Variants in MAP7 observed in about 807,000 individuals in gnomAD.
MAP7 encodes microtubule associated protein 7, also known as ensconsin.
A neutral mutation model predicts 94.8 loss-of-function variants in MAP7; 52 were observed. The observed-to-expected ratio is 0.55, with a 90% CI of 0.44 to 0.69. The LOEUF is 0.69. Ranked by LOEUF, MAP7 falls within the 30% of genes least tolerant of loss-of-function variation. The pLI is 0.00. For missense variants in MAP7, 940 were observed against 964.6 expected (o/e 0.97, Z 0.34); for synonymous variants, 350 against 357.0 (o/e 0.98, Z 0.22).
At chr6:136,442,438 A>AATAGTTCTT (rs1390649125) in intron 1 of MAP7, among the ~76,000 whole-genome samples, 9 of 151,828 alleles carry the variant, frequency 5.9e-5, no homozygotes, top group Non-Finnish European at 8.8e-5. Flanking sequence ...TCATACTTAA[A>AATAGTTCTT]ATAGTTCTTA....
At chr6:136,453,235 A>C (rs1274381482) in intron 1 of MAP7, among the ~76,000 whole-genome samples, 1 of 152,182 alleles carries the variant, frequency 6.6e-6, no homozygotes, top group Non-Finnish European at 1.5e-5. Flanking sequence ...TGGAGATAAA[A>C]ACCTTTCTAT....
intron 16 of MAP7, among the ~76,000 whole-genome samples, chr6:136,347,147 T>A (rs962946915): frequency 3.3e-5 from 5 of 151,650 alleles, no homozygotes; most frequent in Admixed American, 2.6e-4. Context: ...TGTAGCCAAA[T>A]AATGCCTATG....
chr6:136,424,973 G>A (rs1162360727), intron 1 of MAP7, among the ~76,000 whole-genome samples: 1 of 152,174 alleles, frequency 6.6e-6, no homozygotes, highest in Non-Finnish European at 1.5e-5. Flanking sequence ...CTTATCCATG[G>A]AGGAATACTA....
At chr6:136,354,762 G>A (rs1582646842) in intron 16 of MAP7, among the ~76,000 whole-genome samples, 1 of 152,080 alleles carries the variant, frequency 6.6e-6, no homozygotes, top group Non-Finnish European at 1.5e-5. Context: ...TTTTCTGTGT[G>A]TGGAAAAGGC....
chr6:136,485,361 T>G (rs771962399), intron 1 of MAP7, among the ~76,000 whole-genome samples: 8 of 152,198 alleles, frequency 5.3e-5, no homozygotes, highest in Non-Finnish European at 1.2e-4. Context: ...AAAGATATAG[T>G]TACACAATAT....
intron 1 of MAP7, among the ~76,000 whole-genome samples, chr6:136,480,393 A>G (rs1812357762): frequency 6.6e-6 from 1 of 152,150 alleles, no homozygotes; most frequent in Non-Finnish European, 1.5e-5. Context: ...TGAAACTACT[A>G]AAAGAAAATA....
chr6:136,425,625 T>C (rs946363618), intron 1 of MAP7, among the ~76,000 whole-genome samples: 6 of 152,166 alleles, frequency 3.9e-5, no homozygotes, highest in Admixed American at 3.9e-4. Context: ...GCCAGGAGTA[T>C]TGTAACACTC....
At chr6:136,512,579 AT>A (rs34220272) in intron 1 of MAP7, among the ~76,000 whole-genome samples, 1 of 152,188 alleles carries the variant, frequency 6.6e-6, no homozygotes, top group Non-Finnish European at 1.5e-5. Context: ...AGTCACACAC[AT>A]TTTTTGGTTT....
intron 11 of MAP7, among the ~76,000 whole-genome samples, chr6:136,362,230 G>A (rs1375858025): frequency 4.6e-5 from 7 of 152,032 alleles, no homozygotes; most frequent in Admixed American, 3.9e-4. Flanking sequence ...AGACCAGCCT[G>A]GGCAATATAG....
At chr6:136,418,911 G>T (rs944651877) in intron 2 of MAP7, among the ~76,000 whole-genome samples, 4 of 152,120 alleles carry the variant, frequency 2.6e-5, no homozygotes, top group African/African-American at 9.7e-5. Flanking sequence ...TGACATGGTG[G>T]TTACTAAATC....
intron 1 of MAP7, among the ~76,000 whole-genome samples, chr6:136,444,813 T>A (rs1798842958): frequency 6.6e-6 from 1 of 152,222 alleles, no homozygotes; most frequent in African/African-American, 2.4e-5. Context: ...TGCTTCAAGC[T>A]TTTTTAAAAA....
chr6:136,405,415 C>G (rs1375384305), intron 3 of MAP7, among the ~76,000 whole-genome samples: 1 of 152,040 alleles, frequency 6.6e-6, no homozygotes. Context: ...TAAATGAAAC[C>G]TGAAGGAGGA....
intron 2 of MAP7, among the ~76,000 whole-genome samples, chr6:136,413,940 G>C (rs1242621701): frequency 1.3e-5 from 2 of 151,974 alleles, no homozygotes; most frequent in Non-Finnish European, 2.9e-5. Context: ...ACAAGACTAG[G>C]GGATGGTTCT....
intron 1 of MAP7, among the ~76,000 whole-genome samples, chr6:136,480,930 CT>C (rs1812667756): frequency 6.6e-6 from 1 of 152,052 alleles, no homozygotes; most frequent in Non-Finnish European, 1.5e-5. Context: ...AGGAAAATAT[CT>C]AATGATCTGA....
rs770151815 is a variant in MAP7 at position 136,360,034 on chromosome 6, A to G, written c.1804-3T>C. ...CTTTTCATAATCTCCTCAAGTCGCT[A>G]TAGGAAAGGAAGAATTGAGCAAGAA... On this transcript the variant is annotated splice_polypyrimidine_tract_variant and splice_region_variant and intron_variant, in intron 13 of 17. Coordinates refer to ENST00000354570, the MANE Select transcript of MAP7 (RefSeq NM_003980.6). The G allele has an allele frequency of 2.4e-5, 38 of 1,610,904 alleles. No homozygotes were observed. Among genetic ancestry groups the G allele is most frequent in the Non-Finnish European group, 3.0e-5 (35 of 1,178,888 alleles).
chr6:136,447,562 A>G (rs1799725047), intron 1 of MAP7, among the ~76,000 whole-genome samples: 1 of 152,242 alleles, frequency 6.6e-6, no homozygotes, highest in Non-Finnish European at 1.5e-5. Context: ...TTAAACAGGA[A>G]AAAATGTTTT....
chr6:136,531,735 G>GT lies in MAP7; in HGVS notation c.67+18606dup, dbSNP rs947494946. On this transcript the variant is annotated intron_variant, in intron 1 of 17. Transcript: ENST00000354570. ...GAATATGAGAATCAATCATGTTTGT[G>GT]TTTTTTTAACAGACACCCCTCTAGC... Among the ~76,000 whole-genome samples, 35 of 122,208 alleles carry GT rather than the reference G, an allele frequency of 2.9e-4. 10 individuals carry two copies. Among genetic ancestry groups the GT allele is most frequent in the African/African-American group, 1.8e-3 (33 of 18,236 alleles). The allele number at this position is 122,208 out of a possible 152,430, so 80.2% of individuals were successfully genotyped here.
intron 2 of MAP7, among the ~76,000 whole-genome samples, chr6:136,416,761 G>A (rs1053476238): frequency 2.0e-5 from 3 of 150,952 alleles, no homozygotes; most frequent in African/African-American, 4.9e-5. Context: ...AGCCAAGATC[G>A]CACCACTGCA....
intron 1 of MAP7, among the ~76,000 whole-genome samples, chr6:136,461,187 T>C (rs1562427517): frequency 6.6e-6 from 1 of 152,226 alleles, no homozygotes; most frequent in South Asian, 2.1e-4. Flanking sequence ...TTCTCACTTA[T>C]GTATAGCTAC....
Sources: allele counts gnomAD v4.1 joint callset (sites outside exome capture counted in the v4.1 genomes callset), GRCh38; gene constraint gnomAD v4.1.1; transcripts MANE v1.5; gene names NCBI Gene and HGNC (gene_info 2026-07-23, HGNC 2026-07-21).